NAALADL2: variants seen among roughly 807,000 people sequenced by gnomAD.
NAALADL2 encodes inactive N-acetylated-alpha-linked acidic dipeptidase-like protein 2.
NAALADL2 carries 76 observed loss-of-function variants against 87.2 expected under a neutral mutation model. The observed-to-expected ratio is 0.87, with a 90% CI of 0.72 to 1.05. The LOEUF (loss-of-function observed/expected upper bound fraction) is 1.05, where lower values mean the gene tolerates loss of function less well. NAALADL2 is among the 50% of genes least tolerant of loss of function. The probability of loss-of-function intolerance (pLI) is 0.00; values close to 1 mark genes in which losing one functional copy is unlikely to be tolerated. For missense variants in NAALADL2, 1,089 were observed against 945.8 expected, an observed-to-expected ratio of 1.15 and a Z score of -1.99; for synonymous variants, 354 against 331.0, an observed-to-expected ratio of 1.07 and a Z score of -0.75.
chr3:174,752,684 CTT>C (rs1187351140), intron 3 of NAALADL2, among the ~76,000 whole-genome samples: 9 of 151,618 alleles, frequency 5.9e-5, no homozygotes, highest in African/African-American at 2.2e-4. Context: ...TATCCCATTC[CTT>C]TTCTCTCTTG....
At chr3:174,837,665 G>A (rs548409899) in intron 3 of NAALADL2, among the ~76,000 whole-genome samples, 21 of 152,054 alleles carry the variant, frequency 1.4e-4, no homozygotes, top group South Asian at 2.1e-4. Context: ...GTGGTGGTGC[G>A]CACCTATAAT....
intron 2 of NAALADL2, among the ~76,000 whole-genome samples, chr3:174,682,637 AGACCACCAAGGTGGTAC>A (rs1185873934): frequency 6.6e-6 from 1 of 152,228 alleles, no homozygotes; most frequent in Non-Finnish European, 1.5e-5. Context: ...AACTTATCCA[AGACCACCAAGGTGGTAC>A]TATAAGTCTG....
intron 9 of NAALADL2, among the ~76,000 whole-genome samples, chr3:175,557,559 C>T (rs1715489804): frequency 6.6e-6 from 1 of 152,122 alleles, no homozygotes; most frequent in South Asian, 2.1e-4. Context: ...CCCCAACTAC[C>T]GTTCCCAGCC....
intron 3 of NAALADL2, among the ~76,000 whole-genome samples, chr3:174,740,093 T>C (rs959773885): frequency 5.9e-5 from 9 of 151,990 alleles, no homozygotes; most frequent in African/African-American, 2.2e-4. Context: ...AAGAAATACA[T>C]TCATATGCTG....
chr3:174,510,448 A>G (rs1719525332), intron 1 of NAALADL2, among the ~76,000 whole-genome samples: 1 of 152,024 alleles, frequency 6.6e-6, no homozygotes, highest in South Asian at 2.1e-4. Flanking sequence ...TGTATTATCT[A>G]TTTCATGTTG....
At chr3:175,334,279 C>T (rs1581465036) in intron 5 of NAALADL2, among the ~76,000 whole-genome samples, 1 of 152,122 alleles carries the variant, frequency 6.6e-6, no homozygotes, top group Non-Finnish European at 1.5e-5. Flanking sequence ...GACAGACAGA[C>T]AGATAGTAGA....
chr3:174,994,910 G>A (rs1050647527), intron 1 of NAALADL2, among the ~76,000 whole-genome samples: 1 of 152,026 alleles, frequency 6.6e-6, no homozygotes, highest in Non-Finnish European at 1.5e-5. Flanking sequence ...CTTTGTAACA[G>A]TCATCCCTTG....
chr3:175,765,769 A>G lies in NAALADL2; in HGVS notation c.2189+10351A>G, dbSNP rs910594367. Among the ~76,000 whole-genome samples, 4 of 152,100 alleles carry G rather than the reference A, an allele frequency of 2.6e-5. No individual in the cohort carries two copies. In the East Asian group the frequency reaches 7.7e-4, roughly 29 times the overall value. ...ACAATAACAACAATACTTTCCATAG[A>G]GGATGATTTATGTATGCCAGGCACT... On this transcript the variant is annotated intron_variant, in intron 13 of 13. Coordinates refer to ENST00000454872, the MANE Select transcript of NAALADL2 (RefSeq NM_207015.3).
intron 1 of NAALADL2, among the ~76,000 whole-genome samples, chr3:174,515,397 TA>T: frequency 6.6e-6 from 1 of 152,190 alleles, no homozygotes; most frequent in South Asian, 2.1e-4. Flanking sequence ...TCCTTGAGGA[TA>T]AAACGAAATG....
At chr3:174,714,281 T>C (rs1428723319) in intron 2 of NAALADL2, among the ~76,000 whole-genome samples, 13 of 152,272 alleles carry the variant, frequency 8.5e-5, no homozygotes, top group African/African-American at 2.2e-4. Context: ...CTTGGCAATG[T>C]GGGCTCTTTT....
intron 5 of NAALADL2, among the ~76,000 whole-genome samples, chr3:175,431,799 T>C (rs1377314073): frequency 6.6e-6 from 1 of 152,048 alleles, no homozygotes; most frequent in Non-Finnish European, 1.5e-5. Flanking sequence ...GACTCTTCTT[T>C]CCCTTCAGGC....
intron 1 of NAALADL2, among the ~76,000 whole-genome samples, chr3:175,017,060 T>C (rs1750915553): frequency 6.6e-6 from 1 of 152,078 alleles, no homozygotes; most frequent in Non-Finnish European, 1.5e-5. Flanking sequence ...TCTACTTGCT[T>C]AGAGTATTTT....
At chr3:175,728,549 T>G (rs559978244) in intron 11 of NAALADL2, among the ~76,000 whole-genome samples, 1 of 152,168 alleles carries the variant, frequency 6.6e-6, no homozygotes, top group South Asian at 2.1e-4. Flanking sequence ...TGCCCATGGC[T>G]GGCTGCCCTA....
At chr3:175,048,909 T>C (rs1017515515) in intron 1 of NAALADL2, among the ~76,000 whole-genome samples, 5 of 152,182 alleles carry the variant, frequency 3.3e-5, no homozygotes, top group Non-Finnish European at 5.9e-5. Context: ...GTGATTCTTT[T>C]ACTAGATATG....
chr3:174,607,550 A>G lies in NAALADL2; in HGVS notation c.-115+56913A>G, dbSNP rs1719245572. Among the ~76,000 whole-genome samples the G allele has an allele frequency of 2.0e-5, 3 of 150,396 alleles. No individual in the cohort carries two copies. In the South Asian group the frequency reaches 6.4e-4, roughly 32 times the overall value. On this transcript the variant is annotated intron_variant, in intron 2 of 3. Transcript: ENST00000434257. ...TGATAAAACAGACTTTAAACCAACA[A>G]AGATCAAAAGAGACAAAGAAGGCCA... is the stretch of plus-strand genomic sequence containing the variant.
rs71164634 is a variant in NAALADL2, at chr3:175,465,473, C to CTTTTTTTTTTTTTTTTTTTTTTT, written c.1328-1487_1328-1486insTTTTTTTTTTTTTTTTTTTTTTT. ...ACACTATGTATACCATGAATTAAAT[C>CTTTTTTTTTTTTTTTTTTTTTTT]TTTTTTTTTTTTTTTTTTTGAGATG... On this transcript the variant is annotated intron_variant, in intron 7 of 13. Coordinates refer to ENST00000454872, the MANE Select transcript of NAALADL2 (RefSeq NM_207015.3). Among the ~76,000 whole-genome samples, 44 of 106,738 alleles carry CTTTTTTTTTTTTTTTTTTTTTTT rather than the reference C, an allele frequency of 4.1e-4. 1 individual carries two copies. Among genetic ancestry groups the CTTTTTTTTTTTTTTTTTTTTTTT allele is most frequent in the East Asian group, 1.3e-3 (4 of 3,050 alleles). 70.0% of individuals were successfully genotyped at this position (106,738 alleles called of 152,430 possible).
intron 13 of NAALADL2, among the ~76,000 whole-genome samples, chr3:175,756,922 GTATT>G (rs1747335083): frequency 6.6e-6 from 1 of 150,954 alleles, no homozygotes; most frequent in Non-Finnish European, 1.5e-5. Context: ...TATAATATGT[GTATT>G]TATATGACAT....
Position 175,677,475 on chromosome 3 carries a change from T to TGG in NAALADL2, c.1896+50092_1896+50093dup, listed in dbSNP as rs1461259216. ...TTTTGGTGGCTGATAAATAGTATAATGGGGTGTGTGTGTGTGTGTGTGTGT... is the reference window on the plus strand; with the variant it reads ...TTTTGGTGGCTGATAAATAGTATAATGGGGGGTGTGTGTGTGTGTGTGTGTGT... On this transcript the variant is annotated intron_variant, in intron 11 of 13. Transcript: ENST00000454872. 1.7e-3 allele frequency among the ~76,000 whole-genome samples: 220 copies of TGG among 126,570 alleles called. 1 individual carries two copies. The highest frequency in any genetic ancestry group is 8.1e-3 in the Middle Eastern group (2 of 246). The allele number at this position is 126,570 out of a possible 152,430, so 83.0% of individuals were successfully genotyped here.
intron 13 of NAALADL2, among the ~76,000 whole-genome samples, chr3:175,780,831 G>T (rs6777762): frequency 1.3e-5 from 2 of 152,216 alleles, no homozygotes; most frequent in African/African-American, 4.8e-5. Flanking sequence ...AATGTTCTGC[G>T]ATAAATATAG....
Sources: gnomAD v4.1 joint callset for allele counts (sites outside exome capture counted in the v4.1 genomes callset) on GRCh38, gnomAD v4.1.1 for gene constraint, MANE v1.5 for transcripts, NCBI Gene and HGNC (gene_info 2026-07-23, HGNC 2026-07-21) for gene names.